TAFA1: variants seen among roughly 807,000 people sequenced by gnomAD.
TAFA1 encodes TAFA chemokine like family member 1, also known as chemokine-like protein TAFA-1.
Under a neutral mutation model 18.5 loss-of-function variants are expected in TAFA1, and 4 were observed. That is an observed-to-expected ratio of 0.22 (90% confidence interval 0.11 to 0.49). TAFA1 has a LOEUF of 0.49. Ranked by LOEUF, TAFA1 falls within the 20% of genes least tolerant of loss-of-function variation. The pLI is 0.98. For synonymous variants in TAFA1, 56 were observed against 55.2 expected (o/e 1.01, Z -0.06); for missense variants, 147 against 169.0 (o/e 0.87, Z 0.72).
chr3:68,333,359 T>G (rs1401682758), intron 2 of TAFA1, among the ~76,000 whole-genome samples: 1 of 152,168 alleles, frequency 6.6e-6, no homozygotes, highest in Non-Finnish European at 1.5e-5. Flanking sequence ...GGTAGAGACC[T>G]TTATCTTAAG....
At chr3:68,499,501 C>T (rs1254447369) in intron 3 of TAFA1, among the ~76,000 whole-genome samples, 1 of 131,084 alleles carries the variant, frequency 7.6e-6, no homozygotes, top group East Asian at 2.5e-4. Context: ...TCTGAATTCA[C>T]GTTTTAAATG....
At chr3:68,181,710 T>C (rs2066202977) in intron 2 of TAFA1, among the ~76,000 whole-genome samples, 1 of 152,214 alleles carries the variant, frequency 6.6e-6, no homozygotes, top group Admixed American at 6.5e-5. Flanking sequence ...CCCAGAATAC[T>C]AGACTCCTAA....
intron 2 of TAFA1, among the ~76,000 whole-genome samples, chr3:68,312,532 C>T (rs963458623): frequency 1.3e-5 from 2 of 152,176 alleles, no homozygotes; most frequent in Non-Finnish European, 2.9e-5. Flanking sequence ...GACAAAATGT[C>T]ACTAGTCTCT....
chr3:68,062,612 T>G (rs2106729091), intron 2 of TAFA1, among the ~76,000 whole-genome samples: 1 of 152,184 alleles, frequency 6.6e-6, no homozygotes, highest in South Asian at 2.1e-4. Flanking sequence ...GACCCTAGGG[T>G]TTTTCCAATG....
the TAFA1 span, among the ~76,000 whole-genome samples, chr3:67,998,855 T>A: frequency 6.6e-6 from 1 of 152,208 alleles, no homozygotes; most frequent in Non-Finnish European, 1.5e-5. Flanking sequence ...ACCATACATC[T>A]TCTTTATTAT....
chr3:68,057,245 A>G (rs1028814327), intron 2 of TAFA1, among the ~76,000 whole-genome samples: 1 of 152,214 alleles, frequency 6.6e-6, no homozygotes, highest in Non-Finnish European at 1.5e-5. Context: ...GTCCATAGTT[A>G]GAGATATTTC....
At chr3:68,343,698 A>T (rs935237571) in intron 2 of TAFA1, among the ~76,000 whole-genome samples, 2 of 151,992 alleles carry the variant, frequency 1.3e-5, no homozygotes, top group Admixed American at 6.6e-5. Context: ...GTTGCCACAT[A>T]TTTTTTTTAT....
chr3:68,228,014 T>C (rs2066825134), intron 2 of TAFA1, among the ~76,000 whole-genome samples: 1 of 152,150 alleles, frequency 6.6e-6, no homozygotes, highest in Admixed American at 6.5e-5. Flanking sequence ...GGTTGACAAG[T>C]GCATAAGTAG....
intron 2 of TAFA1, among the ~76,000 whole-genome samples, chr3:68,021,019 C>G (rs1704676729): frequency 6.6e-6 from 1 of 151,608 alleles, no homozygotes; most frequent in Admixed American, 6.6e-5. Context: ...AACCCCATCT[C>G]TACTAAAAAT....
chr3:68,506,035 C>T (rs1187220600), intron 3 of TAFA1, among the ~76,000 whole-genome samples: 1 of 151,962 alleles, frequency 6.6e-6, no homozygotes, highest in Non-Finnish European at 1.5e-5. Context: ...GCTATCCCTC[C>T]CCTACCTCCC....
chr3:68,403,304 C>T lies in TAFA1; in HGVS notation c.119-13976C>T, dbSNP rs74414058. ...TGACTGTGTAGTAGACTGTATAGTA[C>T]GCTTTGTTAAGCTTCAGCAACAACC... On this transcript the variant is annotated intron_variant, in intron 2 of 4. Coordinates refer to ENST00000478136, the MANE Select transcript of TAFA1 (RefSeq NM_213609.4). Among the ~76,000 whole-genome samples, 634 of 152,272 alleles carry T rather than the reference C, an allele frequency of 4.2e-3. 8 individuals carry two copies. The highest frequency in any genetic ancestry group is 0.014 in the African/African-American group (570 of 41,552).
intron 2 of TAFA1, among the ~76,000 whole-genome samples, chr3:68,225,160 G>A (rs574778736): frequency 9.0e-4 from 136 of 151,730 alleles, no homozygotes; most frequent in African/African-American, 3.1e-3. Context: ...CACCTGCCTC[G>A]GCCTCTCAAA....
chr3:68,524,477 G>C (rs951604925), intron 3 of TAFA1, among the ~76,000 whole-genome samples: 11 of 152,096 alleles, frequency 7.2e-5, no homozygotes, highest in Non-Finnish European at 1.0e-4. Flanking sequence ...TCAGAAAATA[G>C]AAATTTAGTA....
intron 2 of TAFA1, among the ~76,000 whole-genome samples, chr3:68,316,885 A>G (rs1204840716): frequency 6.6e-6 from 1 of 152,192 alleles, no homozygotes; most frequent in African/African-American, 2.4e-5. Flanking sequence ...TAATGAATAA[A>G]TATTTCTAAA....
At chr3:68,054,797 A>G (rs2064513785) in intron 2 of TAFA1, among the ~76,000 whole-genome samples, 2 of 152,198 alleles carry the variant, frequency 1.3e-5, no homozygotes. Flanking sequence ...TCATTTGTTT[A>G]TTCATCTATT....
At chr3:68,124,876 G>A (rs1392696091) in intron 2 of TAFA1, among the ~76,000 whole-genome samples, 1 of 152,224 alleles carries the variant, frequency 6.6e-6, no homozygotes, top group Non-Finnish European at 1.5e-5. Flanking sequence ...GCTTCTGTAA[G>A]TATGGGTAAG....
At chr3:68,040,542 T>C (rs897224425) in intron 2 of TAFA1, among the ~76,000 whole-genome samples, 1 of 152,092 alleles carries the variant, frequency 6.6e-6, no homozygotes, top group African/African-American at 2.4e-5. Flanking sequence ...TTTTTCCTGG[T>C]GCTCTGGTGG....
rs186934744 is a variant in TAFA1 at position 68,091,624 on chromosome 3, T to C, written c.118+84880T>C. ...ATCAAGCAAGCAGATCAATGAATTA[T>C]ATACTCATTAATTTTGATAAACCAC... On this transcript the variant is annotated intron_variant, in intron 2 of 4. Transcript: ENST00000478136. Among the ~76,000 whole-genome samples, 455 of 152,234 alleles carry C rather than the reference T, an allele frequency of 3.0e-3. 2 individuals are homozygous for C. The highest frequency in any genetic ancestry group is 9.1e-3 in the African/African-American group (379 of 41,530).
At chr3:68,183,552 T>C (rs1281185939) in intron 2 of TAFA1, among the ~76,000 whole-genome samples, 2 of 152,168 alleles carry the variant, frequency 1.3e-5, no homozygotes, top group East Asian at 3.9e-4. Flanking sequence ...TGTTGGATCC[T>C]GTATATCTTT....
Sources: allele counts gnomAD v4.1 joint callset (sites outside exome capture counted in the v4.1 genomes callset), GRCh38; gene constraint gnomAD v4.1.1; transcripts MANE v1.5; gene names NCBI Gene and HGNC (gene_info 2026-07-23, HGNC 2026-07-21).